The following VGLL4 variants were observed in gnomAD, a reference collection of about 807,000 sequenced individuals.
VGLL4 encodes the protein transcription cofactor vestigial-like protein 4.
In VGLL4, 7 loss-of-function variants were observed where a neutral mutation model predicts 21.0. That is an observed-to-expected ratio of 0.33 (90% CI 0.19 to 0.63). VGLL4 has a LOEUF of 0.63. Ranked by LOEUF, VGLL4 falls within the 20% of genes least tolerant of loss-of-function variation. The probability of loss-of-function intolerance (pLI) is 0.78; values close to 1 mark genes in which losing one functional copy is unlikely to be tolerated. For synonymous variants in VGLL4, 222 were observed against 173.2 expected, an observed-to-expected ratio of 1.28 and a Z score of -2.21; for missense variants, 394 against 425.7, an observed-to-expected ratio of 0.93 and a Z score of 0.66.
intron 2 of VGLL4, among the ~76,000 whole-genome samples, chr3:11,698,717 C>T (rs914519616): frequency 2.0e-5 from 3 of 152,132 alleles, no homozygotes; most frequent in African/African-American, 7.2e-5. Flanking sequence ...CCTTCCAGGC[C>T]ATCCAGATAA....
At chr3:11,588,948 G>A (rs1358979131) in intron 2 of VGLL4, among the ~76,000 whole-genome samples, 1 of 152,208 alleles carries the variant, frequency 6.6e-6, no homozygotes, top group Non-Finnish European at 1.5e-5. Flanking sequence ...GTTCATGTGT[G>A]ACTTGGTTAT....
At chr3:11,678,280 T>C (rs1352576615) in intron 2 of VGLL4, among the ~76,000 whole-genome samples, 1 of 152,114 alleles carries the variant, frequency 6.6e-6, no homozygotes, top group African/African-American at 2.4e-5. Context: ...GGTCTCAAAC[T>C]CCTGACCTAA....
At chr3:11,630,829 T>G (rs1179248919) in intron 1 of VGLL4, among the ~76,000 whole-genome samples, 1 of 152,146 alleles carries the variant, frequency 6.6e-6, no homozygotes, top group Non-Finnish European at 1.5e-5. Flanking sequence ...TGACCACATA[T>G]GTCCACAAAA....
chr3:11,612,007 T>C (rs1559899910), intron 1 of VGLL4: 1 of 152,082 alleles, frequency 6.6e-6, no homozygotes, highest in Non-Finnish European at 1.5e-5. Context: ...GCGCCTCTGG[T>C]TTTAAGTATT....
intron 2 of VGLL4, among the ~76,000 whole-genome samples, chr3:11,589,831 A>C (rs2074443845): frequency 6.6e-6 from 1 of 152,186 alleles, no homozygotes; most frequent in Non-Finnish European, 1.5e-5. Flanking sequence ...TTATAAGGGC[A>C]CTAATCCTAA....
intron 2 of VGLL4, among the ~76,000 whole-genome samples, chr3:11,587,813 G>A (rs974462508): frequency 6.6e-6 from 1 of 151,674 alleles, no homozygotes; most frequent in Admixed American, 6.5e-5. Context: ...GAAATACAGA[G>A]GAGTGAAAAA....
chr3:11,592,481 C>G (rs56203378), intron 2 of VGLL4, among the ~76,000 whole-genome samples: 1 of 152,082 alleles, frequency 6.6e-6, no homozygotes. Flanking sequence ...ACTAACGTCC[C>G]GGGGCCTCCA....
chr3:11,605,883 A>T (rs2074929572), intron 1 of VGLL4, among the ~76,000 whole-genome samples: 1 of 152,250 alleles, frequency 6.6e-6, no homozygotes, highest in Admixed American at 6.5e-5. Context: ...TCTTACAACA[A>T]TTAAAAAGAT....
At chr3:11,617,478 T>G (rs1324031956) in intron 1 of VGLL4, among the ~76,000 whole-genome samples, 1 of 152,148 alleles carries the variant, frequency 6.6e-6, no homozygotes, top group Non-Finnish European at 1.5e-5. Context: ...GCCAGATGGG[T>G]GCACACACCT....
chr3:11,571,052 G>A (rs1276777826), intron 2 of VGLL4, among the ~76,000 whole-genome samples: 5 of 152,164 alleles, frequency 3.3e-5, no homozygotes, highest in Admixed American at 6.5e-5. Flanking sequence ...CCGAGGTGGC[G>A]GAGGCTGAGG....
chr3:11,568,581 T>A lies in VGLL4; in HGVS notation c.273-3562A>T. 1 of 1,557,626 alleles carries A rather than the reference T, an allele frequency of 6.4e-7. No individual in the cohort carries two copies. The highest frequency in any genetic ancestry group is 2.4e-5 in the East Asian group (1 of 41,642). On this transcript the variant is annotated intron_variant, in intron 2 of 4. Transcript: ENST00000430365. This position sits in a 1 kb window ranked among gnomAD's most constrained non-coding sequence, Gnocchi z 5.9. ...GGCCTGGAGAACTGGCTGGTTAATTTTAGTAAAATTATACATTACTCACAT... is the reference window on the plus strand; with the variant it reads ...GGCCTGGAGAACTGGCTGGTTAATTATAGTAAAATTATACATTACTCACAT...
At chr3:11,570,914 T>G (rs1180940215) in intron 2 of VGLL4, among the ~76,000 whole-genome samples, 2 of 152,166 alleles carry the variant, frequency 1.3e-5, no homozygotes, top group African/African-American at 4.8e-5. Context: ...TGCTTCCCAG[T>G]GAGCAACAAG....
intron 2 of VGLL4, among the ~76,000 whole-genome samples, chr3:11,594,341 AAGAC>A (rs1280488721): frequency 6.6e-5 from 10 of 152,350 alleles, no homozygotes; most frequent in African/African-American, 9.6e-5. Context: ...TATAGACAAA[AAGAC>A]AGAGATAGAC....
chr3:11,683,551 G>A (rs2076404600), intron 2 of VGLL4, among the ~76,000 whole-genome samples: 1 of 152,194 alleles, frequency 6.6e-6, no homozygotes, highest in Admixed American at 6.5e-5. Flanking sequence ...ATCAATCGAT[G>A]AGTGGATAAA....
intron 2 of VGLL4, among the ~76,000 whole-genome samples, chr3:11,657,419 A>G (rs528298565): frequency 2.0e-5 from 3 of 152,304 alleles, no homozygotes; most frequent in Admixed American, 6.5e-5. Context: ...CCCAAGACAA[A>G]AAAATAAAAA....
At chr3:11,677,472 G>A (rs1418928751) in intron 2 of VGLL4, among the ~76,000 whole-genome samples, 2 of 151,818 alleles carry the variant, frequency 1.3e-5, no homozygotes, top group Non-Finnish European at 2.9e-5. Flanking sequence ...ATGAGGTCTC[G>A]CTATGTTGCC....
chr3:11,601,123 G>T, intron 2 of VGLL4, among the ~76,000 whole-genome samples: 1 of 152,228 alleles, frequency 6.6e-6, no homozygotes, highest in South Asian at 2.1e-4. Flanking sequence ...GGCTTTTCCA[G>T]TGGAAACATG....
In VGLL4 at chr3:11,568,368, A is replaced by C. The variant is rs1216515429; in HGVS notation, c.273-3349T>G. 1.3e-5 allele frequency among the ~76,000 whole-genome samples: 2 copies of C among 152,178 alleles called. No homozygotes were observed. Among genetic ancestry groups the C allele is most frequent in the Admixed American group, 1.3e-4 (2 of 15,286 alleles). On this transcript the variant is annotated intron_variant, in intron 2 of 4. Transcript: ENST00000430365. This position sits in a 1 kb window ranked among gnomAD's most constrained non-coding sequence, Gnocchi z 5.9. ...CCAGGGCCGCCAGCTGCCAGGGCAGAGGTAAGGACGGGGCAGCCCTGCACC... is the reference window on the plus strand; with the variant it reads ...CCAGGGCCGCCAGCTGCCAGGGCAGCGGTAAGGACGGGGCAGCCCTGCACC...
At chr3:11,629,746 C>CAAAAAAAAAAAAAAA in intron 1 of VGLL4, among the ~76,000 whole-genome samples, 1 of 85,364 alleles carries the variant, frequency 1.2e-5, no homozygotes, top group Non-Finnish European at 2.3e-5. Flanking sequence ...AGACGGGTCT[C>CAAAAAAAAAAAAAAA]AAAAAAAAAA....
Sources: allele counts gnomAD v4.1 joint callset (sites outside exome capture counted in the v4.1 genomes callset), GRCh38; gene constraint gnomAD v4.1.1; non-coding constraint Gnocchi (gnomAD v3.1); transcripts MANE v1.5; gene names NCBI Gene and HGNC (gene_info 2026-07-23, HGNC 2026-07-21).